Variants in SLC5A11 observed in about 807,000 individuals in gnomAD.
SLC5A11 encodes sodium/myo-inositol cotransporter 2.
In SLC5A11, 48 loss-of-function variants were observed where a neutral mutation model predicts 69.8. The observed-to-expected ratio is 0.69, with a 90% CI of 0.55 to 0.87. SLC5A11 has a LOEUF of 0.87. Ranked by LOEUF, SLC5A11 falls within the 40% of genes least tolerant of loss-of-function variation. The pLI is 0.00. For synonymous variants in SLC5A11, 319 were observed against 342.4 expected (o/e 0.93, Z 0.75); for missense variants, 784 against 866.1 (o/e 0.91, Z 1.19).
intron 9 of SLC5A11, among the ~76,000 whole-genome samples, chr16:24,894,551 C>T (rs529802731): frequency 1.7e-3 from 258 of 152,224 alleles, no homozygotes; most frequent in Non-Finnish European, 2.8e-3. Context: ...CCTGTAATCC[C>T]AGCACTTTGG....
At chr16:24,881,100 G>A (rs1233871142) in intron 7 of SLC5A11, among the ~76,000 whole-genome samples, 1 of 151,728 alleles carries the variant, frequency 6.6e-6, no homozygotes, top group Non-Finnish European at 1.5e-5. Flanking sequence ...CAGCTACCTG[G>A]GAGGCTGAGG....
intron 9 of SLC5A11, among the ~76,000 whole-genome samples, chr16:24,891,735 G>T (rs1006230792): frequency 5.3e-5 from 8 of 152,082 alleles, no homozygotes; most frequent in African/African-American, 1.7e-4. Flanking sequence ...TACACACTGG[G>T]TGTCCTCTAC....
At chr16:24,862,517 C>CA (rs1461495718) in intron 2 of SLC5A11, 84 bp from the exon 4 acceptor site, 30 of 1,078,002 alleles carry the variant, frequency 2.8e-5, no homozygotes, top group Non-Finnish European at 4.0e-5. Context: ...TCCCAGTTTG[C>CA]AATCCCTGCC....
rs774264110 is a variant in SLC5A11 at position 24,911,507 on chromosome 16, A to G, written c.2002A>G (p.Ile668Val). 3.1e-6 allele frequency: 5 copies of G among 1,613,986 alleles called. No individual in the cohort carries two copies. In the South Asian group the frequency reaches 3.3e-5, roughly 11 times the overall value. The change falls in exon 16 of 16, where the codon ATC becomes GTC. Residue 668 changes from isoleucine to valine, a missense_variant. This residue lies in a region of SLC5A11 where 550 missense variants were observed against 606.4 expected (regional missense o/e 0.91). Coordinates refer to ENST00000347898, the Ensembl canonical transcript of SLC5A11. ...CCTCATTTTCTGCGTGAGCTGCGCC[A>G]TCTTTATCTGGGGCTATTTTGCTTA... is the stretch of plus-strand genomic sequence containing the variant.
intron 3 of SLC5A11, among the ~76,000 whole-genome samples, chr16:24,865,234 G>C (rs1463115828): frequency 6.6e-6 from 1 of 152,144 alleles, no homozygotes; most frequent in African/African-American, 2.4e-5. Flanking sequence ...AAAGATTCTT[G>C]AAAGCAGCAA....
At chr16:24,883,106 C>T (rs1387468277) in intron 7 of SLC5A11, among the ~76,000 whole-genome samples, 5 of 152,092 alleles carry the variant, frequency 3.3e-5, no homozygotes, top group Admixed American at 6.6e-5. Context: ...TGCTTACACC[C>T]GTAATCCCAG....
chr16:24,877,707 C>T (rs2047768625), intron 7 of SLC5A11, among the ~76,000 whole-genome samples: 2 of 151,714 alleles, frequency 1.3e-5, no homozygotes, highest in Admixed American at 1.3e-4. Flanking sequence ...AAAATTAGGC[C>T]AGGCACGGTG....
chr16:24,906,758 C>T, exon 11 of SLC5A11: 1 of 1,611,226 alleles, frequency 6.2e-7, no homozygotes, highest in Middle Eastern at 1.7e-4. Flanking sequence ...GGAACTCCTG[C>T]CCACAGGTAA....
chr16:24,901,960 A>G (rs7194984), intron 10 of SLC5A11, among the ~76,000 whole-genome samples: 14,873 of 129,060 alleles, frequency 0.12, 963 homozygotes, highest in East Asian at 0.26. Context: ...ACACACACGC[A>G]CACACACACA....
intron 13 of SLC5A11, 25 bp from the exon 15 acceptor site, chr16:24,908,856 A>T (rs1419354924): frequency 6.2e-7 from 1 of 1,608,164 alleles, no homozygotes; most frequent in Non-Finnish European, 8.5e-7. Context: ...GGCGTCTCTA[A>T]GATGATCTTG....
At chr16:24,878,295 T>A (rs1289945555) in intron 7 of SLC5A11, among the ~76,000 whole-genome samples, 1 of 152,244 alleles carries the variant, frequency 6.6e-6, no homozygotes, top group East Asian at 1.9e-4. Context: ...CAAGGCTGGA[T>A]AATAAACTAC....
chr16:24,859,200 C>T (rs2059659858), intron 2 of SLC5A11: 1 of 153,944 alleles, frequency 6.5e-6, no homozygotes, highest in South Asian at 2.0e-4. Context: ...GGATCTCCCT[C>T]TGTTGCTCAG....
chr16:24,890,822 A>C, intron 8 of SLC5A11, 47 bp from the exon 10 acceptor site: 1 of 1,588,168 alleles, frequency 6.3e-7, no homozygotes. Context: ...ATCACTTGCC[A>C]TGGACCAATC....
Position 24,908,938 on chromosome 16 carries a change from G to A in SLC5A11, c.1492G>A (p.Asp498Asn), listed in dbSNP as rs138599553. ...CCTGGGCTTGGTTAGGCTGGTCCTG[G>A]ACTTTATTTACGTGCAGCCTCGATG... Residue 498 changes from aspartate (D) to asparagine (N), a missense_variant, in exon 14 of 16, where the codon GAC becomes AAC. By Grantham distance (23) the Asp-to-Asn change is conservative. This residue lies in a region of SLC5A11 where 550 missense variants were observed against 606.4 expected (regional missense o/e 0.91). Transcript: ENST00000347898. The A allele has an allele frequency of 3.1e-4, 508 of 1,614,012 alleles. 3 individuals are homozygous for A. The African/African-American group carries it at 6.1e-3, about 19-fold the overall frequency.
chr16:24,907,665 G>C (rs544400773), intron 12 of SLC5A11, among the ~76,000 whole-genome samples: 1 of 151,272 alleles, frequency 6.6e-6, no homozygotes, highest in Non-Finnish European at 1.5e-5. Context: ...CCAAGATGAC[G>C]CACTGCACTC....
chr16:24,866,586 A>C (rs922047602), intron 3 of SLC5A11, among the ~76,000 whole-genome samples: 10 of 152,176 alleles, frequency 6.6e-5, no homozygotes, highest in African/African-American at 2.4e-4. Flanking sequence ...AAAAAAAAAA[A>C]AAAAGATACG....
chr16:24,899,018 A>G (rs1028637030), intron 10 of SLC5A11, among the ~76,000 whole-genome samples: 5 of 151,100 alleles, frequency 3.3e-5, no homozygotes, highest in Non-Finnish European at 7.4e-5. Flanking sequence ...GGGTCTCACT[A>G]TGTTACCCAG....
chr16:24,862,900 A>G (rs2046668133), intron 3 of SLC5A11, among the ~76,000 whole-genome samples: 1 of 144,108 alleles, frequency 6.9e-6, no homozygotes. Context: ...TTAAAAATAT[A>G]TATTTATATA....
chr16:24,900,159 A>G (rs996614869), intron 10 of SLC5A11, among the ~76,000 whole-genome samples: 56 of 152,174 alleles, frequency 3.7e-4, no homozygotes, highest in African/African-American at 1.3e-3. Context: ...GGTGTCAGAA[A>G]CTGGTGATCT....
Sources: gnomAD v4.1 joint callset for allele counts (sites outside exome capture counted in the v4.1 genomes callset) on GRCh38, gnomAD v4.1.1 for gene constraint, gnomAD v4.1.1 regional missense constraint, MANE v1.5 for transcripts, NCBI Gene and HGNC (gene_info 2026-07-23, HGNC 2026-07-21) for gene names.